The following ARB2A variants were observed in gnomAD, a reference collection of about 807,000 sequenced individuals.
ARB2A encodes the protein ARB2 cotranscriptional regulator A.
the ARB2A span, among the ~76,000 whole-genome samples, chr5:93,631,398 G>T: frequency 4.8e-4 from 73 of 152,236 alleles, no homozygotes; most frequent in African/African-American, 1.7e-3. Flanking sequence ...TCTCACTGTT[G>T]CCACAAGGTC....
the ARB2A span, among the ~76,000 whole-genome samples, chr5:93,782,700 T>C: frequency 6.6e-6 from 1 of 152,154 alleles, no homozygotes; most frequent in Admixed American, 6.5e-5. Flanking sequence ...TTTTCCAACA[T>C]GTTTGCAAGG....
chr5:93,992,860 T>A, the ARB2A span, among the ~76,000 whole-genome samples: 1 of 152,072 alleles, frequency 6.6e-6, no homozygotes, highest in Non-Finnish European at 1.5e-5. Context: ...TCTCAAAGTG[T>A]GAGTTAAAAA....
chr5:93,792,472 C>A, the ARB2A span, among the ~76,000 whole-genome samples: 1 of 152,036 alleles, frequency 6.6e-6, no homozygotes, highest in African/African-American at 2.4e-5. Flanking sequence ...TGATTTCTGA[C>A]CTCTGGGTAG....
the ARB2A span, among the ~76,000 whole-genome samples, chr5:94,080,608 T>A: frequency 6.6e-6 from 1 of 152,184 alleles, no homozygotes; most frequent in African/African-American, 2.4e-5. Flanking sequence ...AGGTGCAAAG[T>A]GCTGCTTCAT....
At chr5:93,653,115 A>G in the ARB2A span, among the ~76,000 whole-genome samples, 2 of 152,148 alleles carry the variant, frequency 1.3e-5, no homozygotes, top group Non-Finnish European at 2.9e-5. Flanking sequence ...ATGTATGTAA[A>G]GTGCAAGTAT....
chr5:94,010,102 CTCT>C, the ARB2A span, among the ~76,000 whole-genome samples: 2 of 151,836 alleles, frequency 1.3e-5, no homozygotes, highest in Non-Finnish European at 2.9e-5. Context: ...ATTTACTTTG[CTCT>C]TCTTTATGTA....
chr5:93,778,617 C>A, the ARB2A span, among the ~76,000 whole-genome samples: 2 of 152,008 alleles, frequency 1.3e-5, no homozygotes, highest in Non-Finnish European at 2.9e-5. Context: ...AGACAGGCAG[C>A]GATTAGGTAC....
At chr5:93,722,206 A>G in the ARB2A span, among the ~76,000 whole-genome samples, 4 of 152,200 alleles carry the variant, frequency 2.6e-5, no homozygotes, top group Middle Eastern at 3.2e-3. Context: ...GTACTTAAAT[A>G]AGAACTATGG....
chr5:93,693,960 G>C, the ARB2A span, among the ~76,000 whole-genome samples: 1 of 152,048 alleles, frequency 6.6e-6, no homozygotes, highest in Non-Finnish European at 1.5e-5. Flanking sequence ...TATCTCAATA[G>C]ATGCAGAAAA....
At chr5:93,985,140 A>T in the ARB2A span, among the ~76,000 whole-genome samples, 1 of 152,160 alleles carries the variant, frequency 6.6e-6, no homozygotes. Context: ...TGCACAGTGT[A>T]GTCTTATTAT....
chr5:93,755,461 T>A, the ARB2A span, among the ~76,000 whole-genome samples: 1 of 152,150 alleles, frequency 6.6e-6, no homozygotes, highest in South Asian at 2.1e-4. Context: ...GAATTCTAGC[T>A]CTAGATTGAC....
At chr5:94,105,379 A>T in the ARB2A span, among the ~76,000 whole-genome samples, 1 of 152,112 alleles carries the variant, frequency 6.6e-6, no homozygotes, top group East Asian at 1.9e-4. Flanking sequence ...ATGCAATCCC[A>T]TTCACAATAG....
the ARB2A span, chr5:93,738,525 T>C: frequency 6.6e-6 from 1 of 152,230 alleles, no homozygotes; most frequent in African/African-American, 2.4e-5. Context: ...TCATTCACAA[T>C]AGCCCATTGG....
chr5:93,635,321 T>C, the ARB2A span, among the ~76,000 whole-genome samples: 1 of 152,302 alleles, frequency 6.6e-6, no homozygotes, highest in Non-Finnish European at 1.5e-5. Flanking sequence ...ATAGTAACAA[T>C]TTTCAGAAGA....
chr5:94,053,177 G>A, the ARB2A span: 1 of 1,598,730 alleles, frequency 6.3e-7, no homozygotes, highest in Admixed American at 1.7e-5. Flanking sequence ...AAATCAAGAG[G>A]CGGTTCATCT....
chr5:93,688,543 T>C, the ARB2A span, among the ~76,000 whole-genome samples: 2 of 152,158 alleles, frequency 1.3e-5, no homozygotes, highest in East Asian at 1.9e-4. Flanking sequence ...GTTTCAAAAG[T>C]TTTCCTTTCT....
chr5:93,619,460 T>C, the ARB2A span: 1 of 152,224 alleles, frequency 6.6e-6, no homozygotes, highest in South Asian at 2.1e-4. Context: ...GTTCATAATA[T>C]AAAAACATTT....
the ARB2A span, among the ~76,000 whole-genome samples, chr5:93,884,073 T>C: frequency 6.6e-6 from 1 of 151,310 alleles, no homozygotes; most frequent in Admixed American, 6.6e-5. Flanking sequence ...ATATGAAAAA[T>C]TTCAAATTCA....
chr5:93,713,902 C>T, the ARB2A span, among the ~76,000 whole-genome samples: 1,913 of 152,184 alleles, frequency 0.013, 32 homozygotes, highest in African/African-American at 0.044. Flanking sequence ...AAATAGCAGC[C>T]CTCTCCCCAT....
Sources: gnomAD v4.1 joint callset for allele counts (sites outside exome capture counted in the v4.1 genomes callset) on GRCh38, gnomAD v4.1.1 for gene constraint, MANE v1.5 for transcripts, NCBI Gene and HGNC (gene_info 2026-07-23, HGNC 2026-07-21) for gene names.